The following LUZP2 variants were observed in gnomAD, a reference collection of about 807,000 sequenced individuals.
LUZP2 encodes the protein leucine zipper protein 2.
A neutral mutation model predicts 51.6 loss-of-function variants in LUZP2; 52 were observed. The ratio of observed to expected loss-of-function variants is 1.01; its 90% CI spans 0.81 to 1.27. The LOEUF (loss-of-function observed/expected upper bound fraction) is 1.27, where lower values mean the gene tolerates loss of function less well. Ranked by LOEUF, LUZP2 falls within the 50% of genes most tolerant of loss-of-function variation. LUZP2 has a pLI of 0.00. For synonymous variants in LUZP2, 154 were observed against 137.3 expected (o/e 1.12, Z -0.85); for missense variants, 436 against 395.4 (o/e 1.10, Z -0.87).
intron 5 of LUZP2, among the ~76,000 whole-genome samples, chr11:24,780,816 A>G (rs911286953): frequency 3.3e-5 from 5 of 152,174 alleles, no homozygotes; most frequent in Non-Finnish European, 5.9e-5. Flanking sequence ...CATCTTCATC[A>G]TATAATATTG....
intron 9 of LUZP2, among the ~76,000 whole-genome samples, chr11:25,004,321 C>A (rs546522550): frequency 1.6e-4 from 25 of 152,274 alleles, no homozygotes; most frequent in African/African-American, 5.3e-4. Flanking sequence ...CAAGCCCTAC[C>A]AGATGATTGG....
chr11:24,756,704 G>A (rs1196359681), intron 4 of LUZP2, among the ~76,000 whole-genome samples: 1 of 152,158 alleles, frequency 6.6e-6, no homozygotes, highest in Non-Finnish European at 1.5e-5. Flanking sequence ...GTGACCAAAT[G>A]TATGGGGATT....
rs1855662865 is a variant in LUZP2 at position 24,652,622 on chromosome 11, G to A, written c.63-76547G>A. Among the ~76,000 whole-genome samples, 4 of 152,060 alleles carry A rather than the reference G, an allele frequency of 2.6e-5. No individual in the cohort carries two copies. The South Asian group carries it at 8.3e-4, about 32-fold the overall frequency. On this transcript the variant is annotated intron_variant, in intron 1 of 11. Transcript: ENST00000336930. ...GGAAATAATGCTAGAATAATATTCA[G>A]TATTCTAGATGAAGGTCAATTGATA...
At chr11:24,710,761 T>TC (rs375078436) in intron 1 of LUZP2, among the ~76,000 whole-genome samples, 3 of 103,358 alleles carry the variant, frequency 2.9e-5, no homozygotes, top group African/African-American at 4.5e-5. Flanking sequence ...ATTTATCACA[T>TC]TTTTTTTGCA....
chr11:24,729,263 G>A lies in LUZP2; in HGVS notation c.157G>A (p.Asp53Asn). The change falls in exon 2 of 12, where the codon GAT becomes AAT. Residue 53 changes from aspartate to asparagine, a missense_variant. Transcript: ENST00000336930. ...GCTGACAAAGACATCAAGAGAACTTGATGGAATTAAAGTCAATCTTCAGGT... is the reference window on the plus strand; with the variant it reads ...GCTGACAAAGACATCAAGAGAACTTAATGGAATTAAAGTCAATCTTCAGGT... ...RQLTKTSREL[D>N]GIKVNLQSLK... is the part of the protein sequence containing the mutation. 1 of 1,553,354 alleles carries A rather than the reference G, an allele frequency of 6.4e-7. No homozygotes were observed. Among genetic ancestry groups the A allele is most frequent in the East Asian group, 2.3e-5 (1 of 43,074 alleles).
intron 5 of LUZP2, among the ~76,000 whole-genome samples, chr11:24,863,606 G>T (rs533730576): frequency 1.3e-5 from 2 of 152,132 alleles, no homozygotes; most frequent in African/African-American, 4.8e-5. Context: ...GGGAAGCGGT[G>T]ATAGAACAAT....
At chr11:24,692,134 AC>A (rs572078425) in intron 1 of LUZP2, among the ~76,000 whole-genome samples, 9 of 151,534 alleles carry the variant, frequency 5.9e-5, no homozygotes, top group Non-Finnish European at 1.2e-4. Flanking sequence ...ACTATCACCC[AC>A]TTATGCATCA....
chr11:24,759,215 C>T (rs909591231), intron 4 of LUZP2, among the ~76,000 whole-genome samples: 1 of 152,044 alleles, frequency 6.6e-6, no homozygotes, highest in African/African-American at 2.4e-5. Context: ...CATAATTAGT[C>T]TAAAGCAAGA....
chr11:24,819,120 T>G (rs541505617), intron 5 of LUZP2, among the ~76,000 whole-genome samples: 2 of 151,938 alleles, frequency 1.3e-5, no homozygotes, highest in African/African-American at 2.4e-5. Context: ...AGAAAACGTT[T>G]GTTTGTTACT....
intron 5 of LUZP2, among the ~76,000 whole-genome samples, chr11:24,789,049 A>G (rs1184519140): frequency 2.0e-5 from 3 of 152,148 alleles, no homozygotes; most frequent in Admixed American, 6.5e-5. Context: ...TTTTTATTTC[A>G]TCAAGAAAAC....
At chr11:24,664,350 C>T (rs1016089727) in intron 1 of LUZP2, among the ~76,000 whole-genome samples, 1 of 152,048 alleles carries the variant, frequency 6.6e-6, no homozygotes, top group Non-Finnish European at 1.5e-5. Context: ...GCAAAGCATT[C>T]AAGAGGAAAC....
At chr11:25,006,817 A>G (rs531104925) in intron 9 of LUZP2, among the ~76,000 whole-genome samples, 1 of 152,162 alleles carries the variant, frequency 6.6e-6, no homozygotes, top group Non-Finnish European at 1.5e-5. Flanking sequence ...TCATAAAGGT[A>G]GTGCAGACCC....
At chr11:24,805,543 T>A (rs1849829586) in intron 5 of LUZP2, among the ~76,000 whole-genome samples, 1 of 152,152 alleles carries the variant, frequency 6.6e-6, no homozygotes, top group Non-Finnish European at 1.5e-5. Context: ...GGATTTGCCC[T>A]ACAGATTTGT....
At chr11:24,628,033 G>A (rs898734634) in intron 1 of LUZP2, among the ~76,000 whole-genome samples, 8 of 152,104 alleles carry the variant, frequency 5.3e-5, no homozygotes, top group African/African-American at 1.9e-4. Context: ...GCTCCATGTT[G>A]AGCTGGTGAC....
chr11:25,045,292 C>G (rs1858270764), intron 9 of LUZP2, among the ~76,000 whole-genome samples: 1 of 149,808 alleles, frequency 6.7e-6, no homozygotes, highest in African/African-American at 2.5e-5. Context: ...AGTATTGGTA[C>G]AAAAACAGTA....
intron 1 of LUZP2, among the ~76,000 whole-genome samples, chr11:24,558,548 T>C (rs1220615284): frequency 6.6e-6 from 1 of 152,148 alleles, no homozygotes; most frequent in Non-Finnish European, 1.5e-5. Context: ...GGCAAAAATG[T>C]CAAGACAATC....
At position 25,007,765 on chromosome 11, in the gene LUZP2, A is replaced by G. The variant is rs147209648; in HGVS notation, c.765+24472A>G. 5.3e-5 allele frequency among the ~76,000 whole-genome samples: 8 copies of G among 152,326 alleles called. No individual in the cohort carries two copies. In the East Asian group the frequency reaches 1.3e-3, roughly 26 times the overall value. ...ATTAGGAGGAAGGGCAATGTTTACTATTATATACATATGTATCTACTGCAA... is the reference window on the plus strand; with the variant it reads ...ATTAGGAGGAAGGGCAATGTTTACTGTTATATACATATGTATCTACTGCAA... On this transcript the variant is annotated intron_variant, in intron 9 of 11. Coordinates refer to ENST00000336930, the MANE Select transcript of LUZP2 (RefSeq NM_001009909.4).
intron 1 of LUZP2, among the ~76,000 whole-genome samples, chr11:24,668,601 G>A (rs2133996997): frequency 6.6e-6 from 1 of 152,224 alleles, no homozygotes; most frequent in Admixed American, 6.5e-5. Context: ...CCAAAAGTAT[G>A]AAATCCTCCA....
intron 1 of LUZP2, among the ~76,000 whole-genome samples, chr11:24,596,354 T>A (rs755288123): frequency 3.4e-4 from 52 of 152,320 alleles, no homozygotes; most frequent in African/African-American, 4.6e-4. Flanking sequence ...AAGAAAAGAT[T>A]AATGCTGCTG....
Sources: allele counts gnomAD v4.1 joint callset (sites outside exome capture counted in the v4.1 genomes callset), GRCh38; gene constraint gnomAD v4.1.1; transcripts MANE v1.5; gene names NCBI Gene and HGNC (gene_info 2026-07-23, HGNC 2026-07-21).